PLCH2: variants seen among roughly 807,000 people sequenced by gnomAD.
The protein encoded by PLCH2 is 1-phosphatidylinositol 4,5-bisphosphate phosphodiesterase eta-2.
PLCH2 carries 98 observed loss-of-function variants against 134.7 expected under a neutral mutation model. The observed-to-expected ratio is 0.73, with a 90% CI of 0.62 to 0.86. The LOEUF (loss-of-function observed/expected upper bound fraction) is 0.86. PLCH2 is among the 40% of genes least tolerant of loss of function. The probability of loss-of-function intolerance (pLI) is 0.00; values close to 1 mark genes in which losing one functional copy is unlikely to be tolerated. For missense variants in PLCH2, 1,994 were observed against 1,986.6 expected, an observed-to-expected ratio of 1.00 and a Z score of -0.07; for synonymous variants, 974 against 827.5, an observed-to-expected ratio of 1.18 and a Z score of -3.04.
At chr1:2,474,771 A>G (rs1173279655), upstream of PLCH2, among the ~76,000 whole-genome samples, 1 of 151,628 alleles carries the variant, frequency 6.6e-6, no homozygotes, top group Non-Finnish European at 1.5e-5. Flanking sequence ...GGAGAACTGG[A>G]CCCCCTGGGT....
At chr1:2,476,779 G>T in intron 1 of PLCH2, 67 bp downstream of exon 1, 1 of 1,483,380 alleles carries the variant, frequency 6.7e-7, no homozygotes, top group South Asian at 1.3e-5. Flanking sequence ...GTGGGTGGGG[G>T]CTGTTCCTGG....
At chr1:2,431,689 G>A (rs547762322) in intron 2 of PLCH2, among the ~76,000 whole-genome samples, 4 of 152,152 alleles carry the variant, frequency 2.6e-5, no homozygotes, top group Non-Finnish European at 5.9e-5. Context: ...CGGTTCCCAG[G>A]ATAGAGGACT....
Position 2,444,008 on chromosome 1 carries a change from C to T in PLCH2, c.115+13379C>T, listed in dbSNP as rs1290596986. Among the ~76,000 whole-genome samples the T allele has an allele frequency of 1.3e-5, 2 of 152,272 alleles. No individual in the cohort carries two copies. The highest frequency in any genetic ancestry group is 1.5e-5 in the Non-Finnish European group (1 of 68,010). On this transcript the variant is annotated intron_variant, in intron 2 of 3. Coordinates refer to the PLCH2 transcript ENST00000609981. This position sits in a 1 kb window ranked among gnomAD's most constrained non-coding sequence, Gnocchi z 4.6. Reference sequence around the variant, plus strand: ...CTCCTGCCGCTGCGCCGCTGCCAACCGGGATGCGCGGGTGGACGCGCGGGG... The same window carrying T: ...CTCCTGCCGCTGCGCCGCTGCCAACTGGGATGCGCGGGTGGACGCGCGGGG...
chr1:2,488,214 G>A (rs1332379895), intron 8 of PLCH2, among the ~76,000 whole-genome samples: 1 of 152,224 alleles, frequency 6.6e-6, no homozygotes, highest in East Asian at 1.9e-4. Context: ...ATTGATTTAG[G>A]AAACAGAAGT....
At position 2,498,910 on chromosome 1, in the gene PLCH2, C is replaced by A; in HGVS notation, c.2434+82C>A. 2 of 1,358,060 alleles carry A rather than the reference C, an allele frequency of 1.5e-6. No homozygotes were observed. Among genetic ancestry groups the A allele is most frequent in the Non-Finnish European group, 2.1e-6 (2 of 972,738 alleles). The allele number at this position is 1,358,060 out of a possible 1,614,324, so 84.1% of individuals were successfully genotyped here. ...TGGGGCTACCTGGTGTGCCCGGGTG[C>A]CCTGCCCAGGCCTCCCTCAGTGACA... On this transcript the variant is annotated intron_variant, in intron 18 of 21. Transcript: ENST00000378486. This position sits in a 1 kb window ranked among gnomAD's most constrained non-coding sequence, Gnocchi z 5.4.
chr1:2,451,480 A>G (rs1385372757), intron 2 of PLCH2, among the ~76,000 whole-genome samples: 4 of 152,162 alleles, frequency 2.6e-5, no homozygotes, highest in African/African-American at 4.8e-5. Flanking sequence ...CAGCCCCAGT[A>G]GGGCTTCTGG....
intron 2 of PLCH2, among the ~76,000 whole-genome samples, chr1:2,461,271 G>A (rs148978558): frequency 0.011 from 1,601 of 152,312 alleles, 17 homozygotes; most frequent in Middle Eastern, 0.034. Flanking sequence ...CTCCCTCAGC[G>A]TCCAGTGGGG....
Position 2,436,441 on chromosome 1 carries a change from CT to C in PLCH2, c.115+5814del, listed in dbSNP as rs1156599002. ...ACCTTTCCTCCTTTCTCCCTCCTCC[CT>C]TCCTCCCTTCCTCCCTCCACCTTTC... On this transcript the variant is annotated intron_variant, in intron 2 of 3. Coordinates refer to the PLCH2 transcript ENST00000609981. Among the ~76,000 whole-genome samples the C allele has an allele frequency of 1.9e-3, 50 of 26,496 alleles. 5 individuals carry two copies. The highest frequency in any genetic ancestry group is 0.015 in the East Asian group (4 of 264). The allele number at this position is 26,496 out of a possible 152,430, so 17.4% of individuals were successfully genotyped here.
At position 2,480,256 on chromosome 1, in the gene PLCH2, C is replaced by A. The variant is rs575836373; in HGVS notation, c.589C>A (p.Leu197Met). Residue 197 changes from leucine (L) to methionine (M), a missense_variant, in exon 4 of 22, where the codon CTG becomes ATG. Leu to Met is a conservative substitution (Grantham distance 15, BLOSUM62 2). This residue lies in a region of PLCH2 where 1,094 missense variants were observed against 1,234.3 expected (regional missense o/e 0.89). Coordinates refer to ENST00000378486, the MANE Select transcript of PLCH2 (RefSeq NM_014638.4). ...CCTGAGCATTGGCGAGGTCCTGCAG[C>A]TGCTGCACAAGCTCAACGTGAACCT... ...GSLSIGEVLQLLHKLNVNLPR... is the reference protein window; with the variant it reads ...GSLSIGEVLQMLHKLNVNLPR... 1 of 1,612,766 alleles carries A rather than the reference C, an allele frequency of 6.2e-7. No individual in the cohort carries two copies. Among genetic ancestry groups the A allele is most frequent in the African/African-American group, 1.3e-5 (1 of 75,066 alleles).
rs373746386 is a variant in PLCH2 at position 2,498,706 on chromosome 1, C to G, written c.2350-38C>G. ...GGAGTTGGGGGCGGGCCGGGCATCG[C>G]GATGGGCCCTGATGCCACCCCCACT... On this transcript the variant is annotated intron_variant, in intron 17 of 21. Coordinates refer to ENST00000378486, the MANE Select transcript of PLCH2 (RefSeq NM_014638.4). The surrounding 1 kb of genome is among the most constrained non-coding windows in gnomAD (Gnocchi z 5.4). 1 of 1,570,456 alleles carries G rather than the reference C, an allele frequency of 6.4e-7. No homozygotes were observed. The highest frequency in any genetic ancestry group is 2.3e-5 in the East Asian group (1 of 43,300).
At chr1:2,422,088 T>G (rs952858666), upstream of PLCH2, among the ~76,000 whole-genome samples, 3 of 151,468 alleles carry the variant, frequency 2.0e-5, no homozygotes, top group Admixed American at 6.6e-5. Context: ...CTGGCCAACA[T>G]GGAAACCATG....
rs763500535 is a variant in PLCH2, at chr1:2,498,858, T to C, written c.2434+30T>C. On this transcript the variant is annotated intron_variant, in intron 18 of 21. Transcript: ENST00000378486. The surrounding 1 kb of genome is among the most constrained non-coding windows in gnomAD (Gnocchi z 5.4). The stretch of plus-strand genomic sequence containing the variant: ...GGCTGGGCCGTGGCTCCGTCACACC[T>C]GTGATGGAAGTCTGAGGGGGGAGGG... 1.3e-5 allele frequency: 20 copies of C among 1,554,732 alleles called. No homozygotes were observed. The highest frequency in any genetic ancestry group is 2.3e-5 in the South Asian group (2 of 87,956).
chr1:2,421,193 C>T (rs2100459946), upstream of PLCH2, among the ~76,000 whole-genome samples: 1 of 152,288 alleles, frequency 6.6e-6, no homozygotes, highest in Admixed American at 6.5e-5. Flanking sequence ...GATCCACCCT[C>T]CTTGGCCTCC....
At chr1:2,449,230 C>T (rs1640084630) in intron 2 of PLCH2, among the ~76,000 whole-genome samples, 1 of 150,032 alleles carries the variant, frequency 6.7e-6, no homozygotes, top group Non-Finnish European at 1.5e-5. Flanking sequence ...GTGGCTCATG[C>T]CTGTAATCCC....
upstream of PLCH2, among the ~76,000 whole-genome samples, chr1:2,475,010 G>A (rs1641538842): frequency 6.6e-6 from 1 of 152,218 alleles, no homozygotes; most frequent in Non-Finnish European, 1.5e-5. Context: ...GCAGAGCCCA[G>A]AAACGCCTGC....
At chr1:2,473,292 C>T (rs1033322841), upstream of PLCH2, among the ~76,000 whole-genome samples, 33 of 152,174 alleles carry the variant, frequency 2.2e-4, no homozygotes, top group Non-Finnish European at 7.4e-5. Flanking sequence ...CAGCAGCCAC[C>T]AGGGCCAGGC....
chr1:2,489,680 G>A (rs755341297), intron 9 of PLCH2, 80 bp from the exon 10 acceptor site: 32 of 1,148,018 alleles, frequency 2.8e-5, no homozygotes, highest in Non-Finnish European at 3.8e-5. Flanking sequence ...CTCCTTGGCC[G>A]GCGGCTCTTT....
In PLCH2 at chr1:2,484,559, A is replaced by C; in HGVS notation, c.757A>C (p.Asn253His). The change falls in exon 5 of 22, where the codon AAC becomes CAC. Residue 253 changes from asparagine to histidine, a missense_variant. Physicochemically the swap from Asn to His is moderately conservative, Grantham distance 68 (BLOSUM62 1). This residue lies in a region of PLCH2 where 1,094 missense variants were observed against 1,234.3 expected (regional missense o/e 0.89). Transcript: ENST00000378486. ...DLYLLMLTYS[N>H]HKDHLDAASL... is the part of the protein sequence containing the mutation. ...CTACCTGCTCATGCTGACCTACAGC[A>C]ACCACAAGGACCACCTGGATGCCGC... 1 of 1,613,154 alleles carries C rather than the reference A, an allele frequency of 6.2e-7. No homozygotes were observed.
Position 2,448,673 on chromosome 1 carries a change from G to A in PLCH2, c.115+18044G>A, listed in dbSNP as rs1053709530. ...ACCCCCGCCCGAGGCAGGCCCTGGA[G>A]CTCACGCTGCTGAGGTCCCACAGGC... On this transcript the variant is annotated intron_variant, in intron 2 of 3. Transcript: ENST00000609981. The surrounding 1 kb of genome is among the most constrained non-coding windows in gnomAD (Gnocchi z 4.0). Among the ~76,000 whole-genome samples the A allele has an allele frequency of 1.3e-5, 2 of 151,926 alleles. No individual in the cohort carries two copies. The highest frequency in any genetic ancestry group is 6.5e-5 in the Admixed American group (1 of 15,276).
Sources: allele counts gnomAD v4.1 joint callset (sites outside exome capture counted in the v4.1 genomes callset), GRCh38; gene constraint gnomAD v4.1.1; regional missense constraint gnomAD v4.1.1; non-coding constraint Gnocchi (gnomAD v3.1); transcripts MANE v1.5; gene names NCBI Gene and HGNC (gene_info 2026-07-23, HGNC 2026-07-21).